SERPINF1: variants seen among roughly 807,000 people sequenced by gnomAD.
SERPINF1 encodes the protein serpin family F member 1, also known as pigment epithelium-derived factor.
In SERPINF1, 29 loss-of-function variants were observed where a neutral mutation model predicts 37.3. That is an observed-to-expected ratio of 0.78 (90% CI 0.58 to 1.06). SERPINF1 has a LOEUF of 1.06. Ranked by LOEUF, SERPINF1 falls within the 50% of genes least tolerant of loss-of-function variation. The pLI is 0.00. For missense variants in SERPINF1, 553 were observed against 532.2 expected (o/e 1.04, Z -0.38); for synonymous variants, 281 against 227.9 (o/e 1.23, Z -2.10).
Position 1,766,987 on chromosome 17 carries a change from C to A in SERPINF1, c.77C>A (p.Pro26Gln). 3 of 1,553,936 alleles carry A rather than the reference C, an allele frequency of 1.9e-6. No individual in the cohort carries two copies. The highest frequency in any genetic ancestry group is 2.6e-6 in the Non-Finnish European group (3 of 1,148,368). The change falls in exon 2 of 8, where the codon CCG (proline) becomes CAG (glutamine). Residue 26 changes from proline (P) to glutamine (Q), a missense_variant. Coordinates refer to ENST00000254722, the MANE Select transcript of SERPINF1 (RefSeq NM_002615.7). ...AGCTGCCAGAACCCTGCCAGCCCCCCGGAGGAGGTCAGTAGGCAGGCGGGG... is the reference window on the plus strand; with the variant it reads ...AGCTGCCAGAACCCTGCCAGCCCCCAGGAGGAGGTCAGTAGGCAGGCGGGG... ...HSSCQNPASP[P>Q]EEGSPDPDST...
At chr17:1,766,789 GA>G (rs1907406194) in intron 1 of SERPINF1, 113 bp from the exon 2 acceptor site, 1 of 998,082 alleles carries the variant, frequency 1.0e-6, no homozygotes, top group East Asian at 2.6e-5. Flanking sequence ...GGGGGTGGGG[GA>G]AAGTGACTAG....
intron 6 of SERPINF1, 145 bp downstream of exon 6, chr17:1,775,345 T>C (rs1021672550): frequency 3.8e-6 from 3 of 790,264 alleles, no homozygotes; most frequent in Non-Finnish European, 5.9e-6. Context: ...GTTAATAACA[T>C]GTCTGAGCTT....
At chr17:1,777,011 C>G (rs1908077442) in intron 7 of SERPINF1, among the ~76,000 whole-genome samples, 176 bp from the exon 8 acceptor site, 1 of 151,738 alleles carries the variant, frequency 6.6e-6, no homozygotes, top group South Asian at 2.1e-4. Context: ...CTCATCTTGA[C>G]CTAACTTGCT....
chr17:1,767,444 G>T (rs1240456882), intron 2 of SERPINF1, among the ~76,000 whole-genome samples: 1 of 152,162 alleles, frequency 6.6e-6, no homozygotes, highest in African/African-American at 2.4e-5. Flanking sequence ...ACCTGGCCAG[G>T]ATCTTTTCTC....
intron 1 of SERPINF1, chr17:1,766,286 T>A (rs1907362371): frequency 6.6e-6 from 1 of 152,274 alleles, no homozygotes; most frequent in Admixed American, 6.6e-5. Context: ...CCAGGTGTAA[T>A]GGCTCACACC....
In SERPINF1 at chr17:1,777,397, C is replaced by T. The variant is rs1237431839; in HGVS notation, c.1208C>T (p.Thr403Ile). Residue 403 changes from threonine (T) to isoleucine (I), a missense_variant, in exon 8 of 8, where the codon ACA becomes ATA. Thr to Ile is a moderately conservative substitution (Grantham distance 89). Coordinates refer to ENST00000254722, the MANE Select transcript of SERPINF1 (RefSeq NM_002615.7). ...ATCTTCGTACTGAGGGACACAGACA[C>T]AGGGGCCCTTCTCTTCATTGGCAAG... ...PFIFVLRDTD[T>I]GALLFIGKIL... The T allele has an allele frequency of 4.3e-6, 7 of 1,614,126 alleles. No homozygotes were observed. Among genetic ancestry groups the T allele is most frequent in the South Asian group, 1.1e-5 (1 of 91,070 alleles).
intron 2 of SERPINF1, among the ~76,000 whole-genome samples, chr17:1,767,746 T>A (rs12325714): frequency 8.5e-5 from 13 of 152,240 alleles, no homozygotes; most frequent in South Asian, 6.2e-4. Context: ...ATTCTGCGTC[T>A]CCCTCTTCCT....
chr17:1,762,931 G>GC (rs542026180), intron 1 of SERPINF1: 370 of 152,394 alleles, frequency 2.4e-3, no homozygotes, highest in Non-Finnish European at 3.5e-3. Context: ...TCCAGCCTAG[G>GC]CCCCCCACCC....
chr17:1,773,573 T>C (rs1907867030), intron 5 of SERPINF1, among the ~76,000 whole-genome samples: 1 of 152,220 alleles, frequency 6.6e-6, no homozygotes, highest in South Asian at 2.1e-4. Context: ...AAATCCCAGC[T>C]CTGCCTGTAC....
At chr17:1,762,527 A>T (rs1280734479) in intron 1 of SERPINF1, among the ~76,000 whole-genome samples, 1 of 152,154 alleles carries the variant, frequency 6.6e-6, no homozygotes, top group East Asian at 1.9e-4. Context: ...GGCAGTCAGG[A>T]AGGCGGCCGC....
intron 3 of SERPINF1, 86 bp from the exon 4 acceptor site, chr17:1,770,943 T>C: frequency 6.5e-7 from 1 of 1,536,484 alleles, no homozygotes; most frequent in South Asian, 1.1e-5. Flanking sequence ...ACAAAAAAGA[T>C]GAGTATAGTG....
At chr17:1,764,467 T>A (rs1318682739) in intron 1 of SERPINF1, among the ~76,000 whole-genome samples, 1 of 152,228 alleles carries the variant, frequency 6.6e-6, no homozygotes, top group Non-Finnish European at 1.5e-5. Flanking sequence ...CACGAAAGTT[T>A]TCTCCCTGCA....
intron 5 of SERPINF1, among the ~76,000 whole-genome samples, chr17:1,773,009 A>T (rs1159045493): frequency 6.6e-6 from 1 of 152,164 alleles, no homozygotes; most frequent in African/African-American, 2.4e-5. Context: ...GATGGCAGAC[A>T]TCAGAAGGGG....
chr17:1,763,515 G>A (rs769190906), intron 1 of SERPINF1, among the ~76,000 whole-genome samples: 16 of 152,194 alleles, frequency 1.1e-4, no homozygotes, highest in Non-Finnish European at 1.5e-4. Context: ...GCCAGCCAGC[G>A]GTCGCCTGCT....
intron 6 of SERPINF1, 93 bp downstream of exon 6, chr17:1,775,293 C>T (rs540032494): frequency 3.8e-5 from 50 of 1,312,208 alleles, no homozygotes; most frequent in Admixed American, 2.2e-4. Flanking sequence ...CTTTGAGATC[C>T]GACAGCTGTC....
rs376648192 is a variant in SERPINF1, at chr17:1,777,344, G to A, written c.1155G>A (p.Pro385=). Reference sequence around the variant, plus strand: ...TGCAGCCTGCCCACCTCACCTTCCCGCTGGACTATCACCTTAACCAGCCTT... The same window carrying A: ...TGCAGCCTGCCCACCTCACCTTCCCACTGGACTATCACCTTAACCAGCCTT... ...PGLQPAHLTF[P]LDYHLNQPFI... Residue 385 remains proline (P), a synonymous_variant, in exon 8 of 8, where the codon CCG becomes CCA. Transcript: ENST00000254722. 21 of 1,613,992 alleles carry A rather than the reference G, an allele frequency of 1.3e-5. No homozygotes were observed. Among genetic ancestry groups the A allele is most frequent in the African/African-American group, 5.3e-5 (4 of 74,912 alleles).
rs869312908 is a variant in SERPINF1 at position 1,777,333 on chromosome 17, CTCACCTTCCCGCTGGACTA to C, written c.1152_1170del (p.Phe384LeufsTer9). On this transcript the variant is annotated frameshift_variant, in exon 8 of 8. Transcript: ENST00000254722. LOFTEE classifies it high-confidence loss of function. ...CAGCCCAGGGCTGCAGCCTGCCCACCTCACCTTCCCGCTGGACTATCACCTTAACCAGCCTTTCATCTTC... is the reference window on the plus strand; with the variant it reads ...CAGCCCAGGGCTGCAGCCTGCCCACCTCACCTTAACCAGCCTTTCATCTTC... 6.2e-7 allele frequency: 1 copy of C among 1,614,146 alleles called. No individual in the cohort carries two copies. The highest frequency in any genetic ancestry group is 8.5e-7 in the Non-Finnish European group (1 of 1,180,038).
intron 1 of SERPINF1, among the ~76,000 whole-genome samples, chr17:1,762,616 A>G (rs907023916): frequency 2.6e-5 from 4 of 152,130 alleles, no homozygotes; most frequent in Non-Finnish European, 5.9e-5. Flanking sequence ...CTGTTAAGGC[A>G]ATTTCCCAGC....
intron 1 of SERPINF1, among the ~76,000 whole-genome samples, chr17:1,763,595 G>A (rs1050699303): frequency 1.3e-5 from 2 of 152,228 alleles, no homozygotes; most frequent in Non-Finnish European, 2.9e-5. Context: ...AGACCCCCAC[G>A]CTTGCCCTCT....
Sources: allele counts gnomAD v4.1 joint callset (sites outside exome capture counted in the v4.1 genomes callset), GRCh38; gene constraint gnomAD v4.1.1; transcripts MANE v1.5; gene names NCBI Gene and HGNC (gene_info 2026-07-23, HGNC 2026-07-21).